HNRNPUL2: variants seen among roughly 807,000 people sequenced by gnomAD.
The protein encoded by HNRNPUL2 is heterogeneous nuclear ribonucleoprotein U-like protein 2.
Under a neutral mutation model 102.2 loss-of-function variants are expected in HNRNPUL2, and 27 were observed. That is an observed-to-expected ratio of 0.26 (90% CI 0.19 to 0.36). The LOEUF is 0.36. HNRNPUL2 is among the 10% of genes least tolerant of loss of function. HNRNPUL2 has a pLI of 1.00. For synonymous variants in HNRNPUL2, 458 were observed against 387.2 expected, an observed-to-expected ratio of 1.18 and a Z score of -2.15; for missense variants, 936 against 981.1, an observed-to-expected ratio of 0.95 and a Z score of 0.61.
rs557970921 is a variant in HNRNPUL2 at position 62,715,582 on chromosome 11, T to C, written c.2081A>G (p.Tyr694Cys). The C allele has an allele frequency of 8.7e-6, 14 of 1,612,968 alleles. No homozygotes were observed. In the South Asian group the frequency reaches 1.4e-4, roughly 16 times the overall value. The change falls in exon 13 of 14, where the codon TAC (tyrosine) becomes TGC (cysteine). Residue 694 changes from tyrosine (Y) to cysteine (C), a missense_variant. Physicochemically the swap from Tyr to Cys is radical, Grantham distance 194 (BLOSUM62 -2). Around this residue, in one of 2 missense-constraint regions of HNRNPUL2, gnomAD observed 609 missense variants for 713.0 expected, o/e 0.85. Transcript: ENST00000301785. ...RGGYRNFYDR[Y>C]RGDYDRFYGR... ...GTAAAATCGATCATAGTCTCCCCTG[T>C]ATCGATCATAGAAATTACGGTAACC...
chr11:62,719,802 G>C (rs2083686673), intron 10 of HNRNPUL2, among the ~76,000 whole-genome samples: 1 of 152,138 alleles, frequency 6.6e-6, no homozygotes, highest in Non-Finnish European at 1.5e-5. Flanking sequence ...CCATTATTGT[G>C]AAAGTGGCTT....
chr11:62,722,021 C>T, intron 7 of HNRNPUL2, 79 bp from the exon 8 acceptor site: 1 of 1,604,506 alleles, frequency 6.2e-7, no homozygotes, highest in South Asian at 1.1e-5. Context: ...GAACATCCTC[C>T]CATTCCTGTT....
chr11:62,721,442 A>AG lies in HNRNPUL2; in HGVS notation c.1483-20dup, dbSNP rs1217297814. 2.1e-6 allele frequency: 3 copies of AG among 1,448,568 alleles called. No homozygotes were observed. Among genetic ancestry groups the AG allele is most frequent in the Middle Eastern group, 1.8e-4 (1 of 5,568 alleles). The allele number at this position is 1,448,568 out of a possible 1,614,324, so 89.7% of individuals were successfully genotyped here. On this transcript the variant is annotated intron_variant, in intron 8 of 13. Transcript: ENST00000301785. ...CCTTCATCTGATTAGTTTGAGAGGA[A>AG]GTGAAAAAAAAAAACAAAACACAAG... is the stretch of plus-strand genomic sequence containing the variant.
chr11:62,727,254 C>T lies in HNRNPUL2; in HGVS notation c.-98G>A. The stretch of plus-strand genomic sequence containing the variant: ...CGCCGCCGCCGCCGCCCGCCTCCGC[C>T]TCACGCGCCAGCACTGAGCCCGCGC... On this transcript the variant is annotated 5_prime_UTR_variant, in exon 1 of 14. Coordinates refer to ENST00000301785, the MANE Select transcript of HNRNPUL2 (RefSeq NM_001079559.3). 7.7e-7 allele frequency: 1 copy of T among 1,295,572 alleles called. No individual in the cohort carries two copies. Among genetic ancestry groups the T allele is most frequent in the Non-Finnish European group, 9.8e-7 (1 of 1,024,154 alleles). 80.3% of individuals were successfully genotyped at this position (1,295,572 alleles called of 1,614,324 possible).
intron 11 of HNRNPUL2, 134 bp from the exon 12 acceptor site, chr11:62,716,071 T>C: frequency 3.3e-6 from 2 of 602,440 alleles, no homozygotes; most frequent in Admixed American, 3.5e-5. Context: ...GGCTCACACA[T>C]GTTAATTAAA....
chr11:62,715,804 C>A (rs564517044), intron 12 of HNRNPUL2, 60 bp downstream of exon 12: 1 of 1,505,204 alleles, frequency 6.6e-7, no homozygotes, highest in South Asian at 1.1e-5. Context: ...TCTGCTCCCC[C>A]AAGCCAACAG....
At chr11:62,715,672 C>G (rs975413293) in intron 12 of HNRNPUL2, 65 bp from the exon 13 acceptor site, 74 of 1,257,042 alleles carry the variant, frequency 5.9e-5, no homozygotes, top group Non-Finnish European at 7.2e-5. Flanking sequence ...CCACCGTGAC[C>G]CCCTTTTAAA....
rs965872591 is a variant in HNRNPUL2, at chr11:62,727,228, G to A, written c.-72C>T. 1.2e-5 allele frequency: 16 copies of A among 1,298,024 alleles called. No individual in the cohort carries two copies. In the South Asian group the frequency reaches 3.2e-4, roughly 26 times the overall value. The allele number at this position is 1,298,024 out of a possible 1,614,324, so 80.4% of individuals were successfully genotyped here. A position where few individuals can be genotyped will look rare whatever the true frequency, so the allele number is the denominator to read the frequency against. On this transcript the variant is annotated 5_prime_UTR_variant, in exon 1 of 14. Coordinates refer to ENST00000301785, the MANE Select transcript of HNRNPUL2 (RefSeq NM_001079559.3). ...CCGTCGACCGAGTCCGACCGCGCAG[G>A]CGCCGCCGCCGCCGCCCGCCTCCGC... is the stretch of plus-strand genomic sequence containing the variant.
chr11:62,725,187 G>C (rs186540490), intron 1 of HNRNPUL2, among the ~76,000 whole-genome samples: 3 of 152,256 alleles, frequency 2.0e-5, no homozygotes, highest in Admixed American at 1.3e-4. Context: ...CTTTAAAGCA[G>C]TCTTTTATCC....
intron 12 of HNRNPUL2, 113 bp downstream of exon 12, chr11:62,715,751 T>A: frequency 8.5e-7 from 1 of 1,175,258 alleles, no homozygotes; most frequent in Non-Finnish European, 1.3e-6. Context: ...CAGAACATAT[T>A]AAATGGGCAA....
Position 62,726,660 on chromosome 11 carries a change from G to C in HNRNPUL2, c.497C>G (p.Pro166Arg). ...EPEERSGDET[P>R]GSEVPGDKAA... ...CTTGTCACCCGGCACCTCGGATCCC[G>C]GCGTCTCGTCCCCGCTCCGCTCCTC... Residue 166 changes from proline (P) to arginine (R), a missense_variant, in exon 1 of 14, where the codon CCG becomes CGG. Pro to Arg is a moderately radical substitution (Grantham distance 103). Around this residue, in one of 2 missense-constraint regions of HNRNPUL2, gnomAD observed 327 missense variants for 268.1 expected, o/e 1.22. Coordinates refer to ENST00000301785, the MANE Select transcript of HNRNPUL2 (RefSeq NM_001079559.3). 6.3e-7 allele frequency: 1 copy of C among 1,598,506 alleles called. No homozygotes were observed. The highest frequency in any genetic ancestry group is 8.5e-7 in the Non-Finnish European group (1 of 1,178,686).
At chr11:62,719,987 C>G (rs768981477) in intron 10 of HNRNPUL2, 36 bp downstream of exon 10, 1 of 1,583,714 alleles carries the variant, frequency 6.3e-7, no homozygotes, top group South Asian at 1.1e-5. Context: ...CTATGGTATT[C>G]TGTTATAGCA....
intron 1 of HNRNPUL2, among the ~76,000 whole-genome samples, chr11:62,725,478 C>T (rs2083738273): frequency 2.0e-5 from 3 of 152,218 alleles, no homozygotes; most frequent in Admixed American, 1.3e-4. Context: ...GGATTACAGG[C>T]GTGAGCCACC....
At position 62,715,236 on chromosome 11, in the gene HNRNPUL2, CG is replaced by C; in HGVS notation, c.*62del. 3 of 1,099,864 alleles carry C rather than the reference CG, an allele frequency of 2.7e-6. No homozygotes were observed. Among genetic ancestry groups the C allele is most frequent in the Non-Finnish European group, 2.5e-6 (2 of 797,518 alleles). 68.1% of individuals were successfully genotyped at this position (1,099,864 alleles called of 1,614,324 possible). Reference sequence around the variant, plus strand: ...CCCTGTTTTCCTTGGTTGTGTTTTGCGGGGGTGCCTGGCACCCCCAGAGATT... The same window carrying C: ...CCCTGTTTTCCTTGGTTGTGTTTTGCGGGGTGCCTGGCACCCCCAGAGATT... On this transcript the variant is annotated 3_prime_UTR_variant, in exon 14 of 14. Transcript: ENST00000301785.
At position 62,715,585 on chromosome 11, in the gene HNRNPUL2, C is replaced by T. The variant is rs1255888019; in HGVS notation, c.2078G>A (p.Arg693Gln). Residue 693 changes from arginine (R) to glutamine (Q), a missense_variant, in exon 13 of 14, where the codon CGA (arginine) becomes CAA (glutamine). Around this residue, in one of 2 missense-constraint regions of HNRNPUL2, gnomAD observed 609 missense variants for 713.0 expected, o/e 0.85. Coordinates refer to ENST00000301785, the MANE Select transcript of HNRNPUL2 (RefSeq NM_001079559.3). ...AAATCGATCATAGTCTCCCCTGTAT[C>T]GATCATAGAAATTACGGTAACCCTG... ...NRGGYRNFYDRYRGDYDRFYG... is the reference protein window; with the variant it reads ...NRGGYRNFYDQYRGDYDRFYG... 4.3e-6 allele frequency: 7 copies of T among 1,612,752 alleles called. No individual in the cohort carries two copies. The highest frequency in any genetic ancestry group is 1.1e-5 in the South Asian group (1 of 91,016).
At position 62,727,032 on chromosome 11, in the gene HNRNPUL2, A is replaced by G. The variant is rs2083759425; in HGVS notation, c.125T>C (p.Leu42Pro). 1 of 1,394,608 alleles carries G rather than the reference A, an allele frequency of 7.2e-7. No individual in the cohort carries two copies. The allele number at this position is 1,394,608 out of a possible 1,614,324, so 86.4% of individuals were successfully genotyped here. Residue 42 changes from leucine to proline, a missense_variant, in exon 1 of 14, where the codon CTC (leucine) becomes CCC (proline). Transcript: ENST00000301785. ...RLQEALDAEM[L>P]EDEAGGGGAG... ...CCCGCCGCCGCCGGCCTCGTCCTCGAGCATCTCGGCGTCCAGCGCCTCCTG... is the reference window on the plus strand; with the variant it reads ...CCCGCCGCCGCCGGCCTCGTCCTCGGGCATCTCGGCGTCCAGCGCCTCCTG...
Position 62,723,923 on chromosome 11 carries a change from G to A in HNRNPUL2, c.742C>T (p.Leu248=). Residue 248 remains leucine (L), a synonymous_variant, in exon 3 of 14, where the codon CTG becomes TTG. Coordinates refer to ENST00000301785, the MANE Select transcript of HNRNPUL2 (RefSeq NM_001079559.3). ...TCTGCCTTATACATACACGTGTCCA[G>A]GTTCACAAGAGTTTGATCCTCCTCC... ...DEEEDQTLVN[L]DTYTSDLHFQ... The A allele has an allele frequency of 6.2e-7, 1 of 1,613,938 alleles. No individual in the cohort carries two copies.
intron 8 of HNRNPUL2, 45 bp downstream of exon 8, chr11:62,721,773 AAG>A: frequency 6.3e-7 from 1 of 1,599,080 alleles, no homozygotes; most frequent in South Asian, 1.1e-5. Context: ...GATAGGTTAT[AAG>A]AGTCTCCAAA....
chr11:62,727,318 G>A lies in HNRNPUL2; in HGVS notation c.-162C>T. 2 of 888,912 alleles carry A rather than the reference G, an allele frequency of 2.2e-6. No homozygotes were observed. Among genetic ancestry groups the A allele is most frequent in the Non-Finnish European group, 2.9e-6 (2 of 683,488 alleles). 55.1% of individuals were successfully genotyped at this position (888,912 alleles called of 1,614,324 possible). On this transcript the variant is annotated 5_prime_UTR_variant, in exon 1 of 14. Coordinates refer to ENST00000301785, the MANE Select transcript of HNRNPUL2 (RefSeq NM_001079559.3). ...CACGCAGGAGCGGAGGCCGCGCACG[G>A]TCCCGCTGCGCAGTGTTTGCTTCTC...
Sources: gnomAD v4.1 joint callset for allele counts (sites outside exome capture counted in the v4.1 genomes callset) on GRCh38, gnomAD v4.1.1 for gene constraint, gnomAD v4.1.1 regional missense constraint, MANE v1.5 for transcripts, NCBI Gene and HGNC (gene_info 2026-07-23, HGNC 2026-07-21) for gene names.